MCPH1: variants seen among roughly 807,000 people sequenced by gnomAD.
MCPH1 encodes the protein microcephalin.
MCPH1 carries 104 observed loss-of-function variants against 84.5 expected under a neutral mutation model. That is an observed-to-expected ratio of 1.23 (90% CI 1.05 to 1.45). The LOEUF (loss-of-function observed/expected upper bound fraction) is 1.45, where lower values mean the gene tolerates loss of function less well. Among genes scored for constraint, MCPH1 ranks in the 40% most tolerant of loss-of-function variants. MCPH1 has a pLI of 0.00. For synonymous variants in MCPH1, 514 were observed against 366.8 expected (o/e 1.40, Z -4.58); for missense variants, 1,498 against 1,005.7 (o/e 1.49, Z -6.62).
chr8:6,465,638 G>A (rs1351768050), intron 9 of MCPH1, among the ~76,000 whole-genome samples: 1 of 152,128 alleles, frequency 6.6e-6, no homozygotes, highest in African/African-American at 2.4e-5. Context: ...GACAGCGGAG[G>A]AGGAAGCCAA....
intron 5 of MCPH1, among the ~76,000 whole-genome samples, chr8:6,438,206 A>G (rs924010609): frequency 6.6e-6 from 1 of 152,258 alleles, no homozygotes; most frequent in African/African-American, 2.4e-5. Context: ...TGATAGATAC[A>G]AAATTTTCTT....
chr8:6,449,656 A>G (rs555284017), intron 8 of MCPH1, among the ~76,000 whole-genome samples: 4 of 152,236 alleles, frequency 2.6e-5, no homozygotes, highest in Admixed American at 6.5e-5. Flanking sequence ...AAAAAAAGAA[A>G]TAGGAAATTC....
intron 12 of MCPH1, chr8:6,532,342 A>G (rs1161598061): frequency 6.2e-7 from 1 of 1,613,968 alleles, no homozygotes; most frequent in East Asian, 2.2e-5. Flanking sequence ...TTGGGCTTCC[A>G]CATCAGTTAA....
chr8:6,511,289 AT>A (rs33939886), intron 12 of MCPH1, among the ~76,000 whole-genome samples: 53,008 of 149,388 alleles, frequency 0.35, 9,523 homozygotes, highest in Middle Eastern at 0.48. Flanking sequence ...GTATGGGTTG[AT>A]TTTTTTTTTT....
intron 12 of MCPH1, among the ~76,000 whole-genome samples, chr8:6,615,218 A>T (rs1199111268): frequency 1.3e-5 from 2 of 152,150 alleles, no homozygotes; most frequent in African/African-American, 4.8e-5. Context: ...TTCCGTGAGG[A>T]ACTGTCTTTC....
intron 11 of MCPH1, among the ~76,000 whole-genome samples, chr8:6,486,304 C>T (rs567243021): frequency 1.3e-5 from 2 of 152,096 alleles, no homozygotes; most frequent in East Asian, 1.9e-4. Context: ...CTGGCACTCT[C>T]GCTCTCTCGC....
chr8:6,509,710 T>G (rs751573048), intron 12 of MCPH1, among the ~76,000 whole-genome samples: 3 of 152,242 alleles, frequency 2.0e-5, no homozygotes, highest in Non-Finnish European at 4.4e-5. Flanking sequence ...AAGCCCATTT[T>G]CTGTTGAAAA....
At chr8:6,443,689 G>A (rs938064365) in intron 7 of MCPH1, among the ~76,000 whole-genome samples, 11 of 152,230 alleles carry the variant, frequency 7.2e-5, no homozygotes, top group Non-Finnish European at 1.2e-4. Context: ...AGGGGGCAAG[G>A]CCAGGGAGAG....
intron 11 of MCPH1, among the ~76,000 whole-genome samples, chr8:6,490,469 T>G (rs144204133): frequency 3.3e-5 from 5 of 152,318 alleles, no homozygotes; most frequent in African/African-American, 7.2e-5. Flanking sequence ...CCAAGGAACA[T>G]CATACTTCTC....
At chr8:6,565,965 T>G (rs935726718) in intron 12 of MCPH1, among the ~76,000 whole-genome samples, 1 of 152,204 alleles carries the variant, frequency 6.6e-6, no homozygotes, top group African/African-American at 2.4e-5. Flanking sequence ...GAAGCTCTAG[T>G]AGAGCCGGAG....
intron 3 of MCPH1, among the ~76,000 whole-genome samples, chr8:6,425,017 T>C (rs1471532128): frequency 6.6e-6 from 1 of 152,202 alleles, no homozygotes; most frequent in African/African-American, 2.4e-5. Flanking sequence ...GCTGGGCAGT[T>C]TGGCACAAGA....
intron 3 of MCPH1, among the ~76,000 whole-genome samples, chr8:6,426,483 G>A (rs1801078348): frequency 1.3e-5 from 2 of 152,218 alleles, no homozygotes; most frequent in African/African-American, 2.4e-5. Flanking sequence ...TGAAGGTGAT[G>A]TTTTTGCGAT....
chr8:6,512,172 A>T (rs575394846), intron 12 of MCPH1, among the ~76,000 whole-genome samples: 1 of 152,294 alleles, frequency 6.6e-6, no homozygotes, highest in South Asian at 2.1e-4. Context: ...ATCCATGTAT[A>T]TCTGTTTCTC....
At chr8:6,473,792 C>T (rs1808078356) in intron 9 of MCPH1, 2 of 1,037,202 alleles carry the variant, frequency 1.9e-6, no homozygotes, top group African/African-American at 3.2e-5. Flanking sequence ...TCTATGATGT[C>T]AGCAGAGAGA....
At chr8:6,407,678 A>C (rs1322693780) in intron 1 of MCPH1, among the ~76,000 whole-genome samples, 1 of 152,158 alleles carries the variant, frequency 6.6e-6, no homozygotes, top group South Asian at 2.1e-4. Flanking sequence ...TATTTTGTTA[A>C]ATTAACCTGG....
At chr8:6,629,928 G>A (rs3020263) in intron 13 of MCPH1, among the ~76,000 whole-genome samples, 40,537 of 152,032 alleles carry the variant, frequency 0.27, 5,541 homozygotes, top group African/African-American at 0.29. Context: ...ACTCTTTTTT[G>A]TTTACACAGC....
chr8:6,494,735 A>G (rs1313411108), intron 11 of MCPH1, among the ~76,000 whole-genome samples: 2 of 152,170 alleles, frequency 1.3e-5, no homozygotes, highest in African/African-American at 2.4e-5. Flanking sequence ...GTTACCAGGG[A>G]TGGAGGGGAG....
chr8:6,600,121 C>T (rs540350091), intron 12 of MCPH1, among the ~76,000 whole-genome samples: 26 of 152,258 alleles, frequency 1.7e-4, no homozygotes, highest in Non-Finnish European at 3.5e-4. Flanking sequence ...GCTGGAGACA[C>T]AGAAATCTTC....
Position 6,439,007 on chromosome 8 carries a change from C to G in MCPH1, c.491C>G (p.Pro164Arg), listed in dbSNP as rs542445775. The G allele has an allele frequency of 7.5e-6, 12 of 1,609,696 alleles. No homozygotes were observed. The South Asian group carries it at 1.2e-4, about 16-fold the overall frequency. Residue 164 changes from proline to arginine, a missense_variant, in exon 6 of 14, where the codon CCC (proline) becomes CGC (arginine). Coordinates refer to ENST00000344683, the MANE Select transcript of MCPH1 (RefSeq NM_024596.5). Reference sequence around the variant, plus strand: ...TCTAATGGTTCATTAATATATACTCCCACAATTGAAATTAATAGTAGGCAC... The same window carrying G: ...TCTAATGGTTCATTAATATATACTCGCACAATTGAAATTAATAGTAGGCAC... ...FESNGSLIYT[P>R]TIEINSRHHS...
Sources: allele counts gnomAD v4.1 joint callset (sites outside exome capture counted in the v4.1 genomes callset), GRCh38; gene constraint gnomAD v4.1.1; transcripts MANE v1.5; gene names NCBI Gene and HGNC (gene_info 2026-07-23, HGNC 2026-07-21).